The following CNTNAP5 variants were observed in gnomAD, a reference collection of about 807,000 sequenced individuals.
The protein encoded by CNTNAP5 is contactin-associated protein-like 5.
Under a neutral mutation model 150.2 loss-of-function variants are expected in CNTNAP5, and 72 were observed. That is an observed-to-expected ratio of 0.48 (90% CI 0.40 to 0.58). The LOEUF (loss-of-function observed/expected upper bound fraction) is 0.58, where lower values mean the gene tolerates loss of function less well. CNTNAP5 is among the 20% of genes least tolerant of loss of function. CNTNAP5 has a pLI of 0.00. For synonymous variants in CNTNAP5, 672 were observed against 619.8 expected (o/e 1.08, Z -1.25); for missense variants, 1,636 against 1,626.2 (o/e 1.01, Z -0.10).
At chr2:124,756,723 T>A (rs1479060074) in intron 14 of CNTNAP5, among the ~76,000 whole-genome samples, 3 of 151,824 alleles carry the variant, frequency 2.0e-5, no homozygotes, top group Non-Finnish European at 4.4e-5. Context: ...TGAGAACACA[T>A]GAACATATCG....
chr2:124,197,984 A>AT (rs879621715), intron 1 of CNTNAP5, among the ~76,000 whole-genome samples: 14 of 151,656 alleles, frequency 9.2e-5, no homozygotes, highest in South Asian at 6.3e-4. Context: ...CTCAAAAAAA[A>AT]AATAATAAAA....
chr2:124,715,094 C>A (rs935357140), intron 13 of CNTNAP5, among the ~76,000 whole-genome samples: 5 of 152,122 alleles, frequency 3.3e-5, no homozygotes, highest in Non-Finnish European at 5.9e-5. Flanking sequence ...CCCAGTAATG[C>A]GGAGTGTGTT....
intron 1 of CNTNAP5, among the ~76,000 whole-genome samples, chr2:124,167,676 AAG>A (rs1684838892): frequency 6.6e-6 from 1 of 152,168 alleles, no homozygotes; most frequent in Admixed American, 6.5e-5. Flanking sequence ...CAGCAATCTT[AAG>A]GACAGCTGAG....
chr2:124,370,946 G>T (rs1169737336), intron 3 of CNTNAP5, among the ~76,000 whole-genome samples: 1 of 152,122 alleles, frequency 6.6e-6, no homozygotes, highest in East Asian at 1.9e-4. Context: ...AGTTTGAAGA[G>T]TTTATAGTCA....
intron 3 of CNTNAP5, among the ~76,000 whole-genome samples, chr2:124,377,627 G>T (rs1164879606): frequency 2.7e-5 from 4 of 150,534 alleles, no homozygotes; most frequent in African/African-American, 9.8e-5. Flanking sequence ...GTGAGCCAAG[G>T]TCTCGCCATT....
At chr2:124,478,583 G>A (rs567223208) in intron 7 of CNTNAP5, among the ~76,000 whole-genome samples, 9 of 152,078 alleles carry the variant, frequency 5.9e-5, no homozygotes, top group South Asian at 4.2e-4. Context: ...AATTTCTTAC[G>A]AGAAGCAATG....
chr2:124,482,102 C>T (rs2104840787), intron 7 of CNTNAP5, among the ~76,000 whole-genome samples: 2 of 152,276 alleles, frequency 1.3e-5, no homozygotes, highest in South Asian at 4.1e-4. Context: ...GCAAAACATC[C>T]AACTAATGAG....
chr2:124,801,713 G>C (rs1455483343), intron 19 of CNTNAP5, among the ~76,000 whole-genome samples: 4 of 152,138 alleles, frequency 2.6e-5, no homozygotes, highest in Non-Finnish European at 5.9e-5. Context: ...CTTACAGCTT[G>C]TTCCCAGTAT....
Position 124,524,361 on chromosome 2 carries a change from C to T in CNTNAP5, c.1386C>T (p.Arg462=). The stretch of plus-strand genomic sequence containing the variant: ...TTAGCATCAACGCCAGGAGGAACCG[C>T]ATCACGCTCACTCTGGATGATGAAG... ...HSVSINARRN[R]ITLTLDDEAA... Residue 462 remains arginine (R), a synonymous_variant, in exon 9 of 24, where the codon CGC becomes CGT. Coordinates refer to ENST00000682447, the MANE Select transcript of CNTNAP5 (RefSeq NM_001367498.1). 11 of 1,613,864 alleles carry T rather than the reference C, an allele frequency of 6.8e-6. No homozygotes were observed. The highest frequency in any genetic ancestry group is 9.3e-6 in the Non-Finnish European group (11 of 1,179,824).
intron 12 of CNTNAP5, among the ~76,000 whole-genome samples, chr2:124,616,920 T>A (rs941509774): frequency 6.6e-6 from 1 of 152,136 alleles, no homozygotes; most frequent in East Asian, 1.9e-4. Context: ...CAGTTCATGA[T>A]GCCCCAAAAC....
At chr2:124,350,590 A>G (rs1689853969) in intron 3 of CNTNAP5, among the ~76,000 whole-genome samples, 1 of 151,900 alleles carries the variant, frequency 6.6e-6, no homozygotes, top group Non-Finnish European at 1.5e-5. Context: ...ACCCCCGCAA[A>G]AGCTTCAATA....
intron 3 of CNTNAP5, among the ~76,000 whole-genome samples, chr2:124,364,373 C>G (rs892484720): frequency 6.6e-6 from 1 of 152,172 alleles, no homozygotes; most frequent in East Asian, 1.9e-4. Context: ...AACGTTGCAA[C>G]CTGCCTCACT....
intron 6 of CNTNAP5, among the ~76,000 whole-genome samples, chr2:124,447,524 A>C (rs1407697587): frequency 1.3e-5 from 2 of 152,186 alleles, no homozygotes; most frequent in Non-Finnish European, 2.9e-5. Context: ...AGTTCAGTTC[A>C]AGGAATGCAT....
At chr2:124,728,378 T>C (rs1179363209) in intron 13 of CNTNAP5, among the ~76,000 whole-genome samples, 2 of 152,008 alleles carry the variant, frequency 1.3e-5, no homozygotes, top group Non-Finnish European at 1.5e-5. Flanking sequence ...TCTTTAAATA[T>C]TGCTTAGAAT....
chr2:124,378,068 A>G (rs532532383), intron 3 of CNTNAP5, among the ~76,000 whole-genome samples: 142 of 152,108 alleles, frequency 9.3e-4, no homozygotes, highest in African/African-American at 3.2e-3. Context: ...CACTCCACAT[A>G]CTCACAGGAT....
chr2:124,873,078 C>T (rs1023300295), intron 21 of CNTNAP5, among the ~76,000 whole-genome samples: 6 of 152,034 alleles, frequency 3.9e-5, no homozygotes, highest in African/African-American at 1.4e-4. Flanking sequence ...ACTTATGGTT[C>T]TACAAGCTGT....
At chr2:124,083,460 G>C (rs1220033521) in intron 1 of CNTNAP5, among the ~76,000 whole-genome samples, 1 of 151,914 alleles carries the variant, frequency 6.6e-6, no homozygotes, top group African/African-American at 2.4e-5. Context: ...TTTTTTATTT[G>C]GTAAAGTCAA....
At chr2:124,526,246 C>T (rs748474870) in intron 9 of CNTNAP5, among the ~76,000 whole-genome samples, 2 of 152,094 alleles carry the variant, frequency 1.3e-5, no homozygotes, top group South Asian at 2.1e-4. Context: ...AAATGCCCCA[C>T]GCGTAGACTG....
intron 19 of CNTNAP5, among the ~76,000 whole-genome samples, chr2:124,799,173 A>G (rs1288527569): frequency 1.3e-5 from 2 of 152,196 alleles, no homozygotes; most frequent in Non-Finnish European, 2.9e-5. Context: ...ATTGCCCATT[A>G]TTAATTTAAG....
Sources: gnomAD v4.1 joint callset for allele counts (sites outside exome capture counted in the v4.1 genomes callset) on GRCh38, gnomAD v4.1.1 for gene constraint, MANE v1.5 for transcripts, NCBI Gene and HGNC (gene_info 2026-07-23, HGNC 2026-07-21) for gene names.